MYO18B: variants seen among roughly 807,000 people sequenced by gnomAD.
MYO18B encodes the protein myosin XVIIIB.
Under a neutral mutation model 273.0 loss-of-function variants are expected in MYO18B, and 204 were observed. The observed-to-expected ratio is 0.75, with a 90% CI of 0.67 to 0.84. The LOEUF is 0.84. MYO18B is among the 40% of genes least tolerant of loss of function. The pLI is 0.00. For missense variants in MYO18B, 3,212 were observed against 3,287.6 expected (o/e 0.98, Z 0.56); for synonymous variants, 1,330 against 1,305.7 (o/e 1.02, Z -0.40).
intron 34 of MYO18B, among the ~76,000 whole-genome samples, chr22:25,925,152 TG>T (rs1267089934): frequency 1.3e-5 from 2 of 152,176 alleles, no homozygotes; most frequent in Non-Finnish European, 2.9e-5. Flanking sequence ...CTTAGTGTCT[TG>T]GGGTTTCTCA....
At chr22:26,007,961 A>C (rs1006890397) in intron 42 of MYO18B, among the ~76,000 whole-genome samples, 1 of 152,196 alleles carries the variant, frequency 6.6e-6, no homozygotes, top group Admixed American at 6.5e-5. Context: ...ATCTTTTTCT[A>C]TATGTATATA....
At chr22:25,916,142 G>T (rs2092257986) in intron 33 of MYO18B, among the ~76,000 whole-genome samples, 1 of 151,866 alleles carries the variant, frequency 6.6e-6, no homozygotes, top group Non-Finnish European at 1.5e-5. Flanking sequence ...AAATATTCAT[G>T]GTATTTTCTC....
chr22:25,788,442 G>A (rs2087493772), intron 11 of MYO18B, among the ~76,000 whole-genome samples: 1 of 152,148 alleles, frequency 6.6e-6, no homozygotes, highest in Admixed American at 6.6e-5. Flanking sequence ...GTATAAGCAT[G>A]TCCCAAATAT....
intron 33 of MYO18B, among the ~76,000 whole-genome samples, chr22:25,915,011 A>T (rs779268761): frequency 4.6e-5 from 7 of 151,642 alleles, no homozygotes; most frequent in Non-Finnish European, 1.0e-4. Flanking sequence ...TTGACTCTTG[A>T]CCATGGATTG....
At chr22:25,999,469 C>A (rs1871612924) in intron 40 of MYO18B, among the ~76,000 whole-genome samples, 3 of 152,028 alleles carry the variant, frequency 2.0e-5, no homozygotes, top group Admixed American at 1.3e-4. Context: ...CGCTCATCAT[C>A]AACACCCTGT....
intron 11 of MYO18B, 137 bp downstream of exon 11, chr22:25,785,628 G>A (rs912992306): frequency 1.3e-6 from 1 of 796,728 alleles, no homozygotes; most frequent in Non-Finnish European, 2.1e-6. Context: ...TGGAAGAGTT[G>A]GCACTGCCTT....
intron 29 of MYO18B, 145 bp downstream of exon 29, chr22:25,898,606 T>C: frequency 1.2e-6 from 1 of 803,418 alleles, no homozygotes; most frequent in Non-Finnish European, 1.9e-6. Flanking sequence ...CGTCACACCT[T>C]ATTCCTGTAT....
Position 25,883,121 on chromosome 22 carries a change from A to G in MYO18B, c.4314+5073A>G, listed in dbSNP as rs886719046. Among the ~76,000 whole-genome samples the G allele has an allele frequency of 2.0e-5, 3 of 152,082 alleles. No homozygotes were observed. Among genetic ancestry groups the G allele is most frequent in the East Asian group, 1.9e-4 (1 of 5,170 alleles). ...ACTTTGTTGCCCAGGTTGGTCTCCAATTCCTGGGCTCAAGCGATCCTCCTG... is the reference window on the plus strand; with the variant it reads ...ACTTTGTTGCCCAGGTTGGTCTCCAGTTCCTGGGCTCAAGCGATCCTCCTG... On this transcript the variant is annotated intron_variant, in intron 25 of 43. Coordinates refer to ENST00000335473, the MANE Select transcript of MYO18B (RefSeq NM_032608.7). This position sits in a 1 kb window ranked among gnomAD's most constrained non-coding sequence, Gnocchi z 7.6.
chr22:25,801,178 G>A (rs1235471713), intron 12 of MYO18B, among the ~76,000 whole-genome samples: 1 of 151,754 alleles, frequency 6.6e-6, no homozygotes, highest in East Asian at 1.9e-4. Flanking sequence ...TTCTCAGTGT[G>A]CCTGGCTTCC....
At chr22:25,781,703 C>A (rs2087166037) in intron 9 of MYO18B, 31 bp from the exon 10 acceptor site, 1 of 1,462,802 alleles carries the variant, frequency 6.8e-7, no homozygotes. Flanking sequence ...ACCCAAAGCA[C>A]TGACTGGGTG....
chr22:25,798,063 C>T lies in MYO18B; in HGVS notation c.2487C>T (p.Ala829=). ...EQRAVWRVLA[A]IYHLGAAGAC... is the part of the protein sequence containing the mutation. ...GGGCTGTTTGGCGGGTCCTGGCAGC[C>T]ATCTACCACCTGGGTGCGGCGGGGG... Residue 829 remains alanine, a synonymous_variant, in exon 12 of 44, where the codon GCC becomes GCT. Transcript: ENST00000335473. The T allele has an allele frequency of 6.2e-7, 1 of 1,611,256 alleles. No individual in the cohort carries two copies. The highest frequency in any genetic ancestry group is 1.3e-5 in the African/African-American group (1 of 75,008).
rs779526544 is a variant in MYO18B, at chr22:25,768,725, C to T, written c.809C>T (p.Ala270Val). 2 of 1,593,064 alleles carry T rather than the reference C, an allele frequency of 1.3e-6. No homozygotes were observed. Among genetic ancestry groups the T allele is most frequent in the African/African-American group, 2.7e-5 (2 of 74,562 alleles). The change falls in exon 4 of 44, where the codon GCC becomes GTC. Residue 270 changes from alanine (A) to valine (V), a missense_variant. Transcript: ENST00000335473. ...GACAGGCAGGGGACCAGGCCCCAAG[C>T]CCAAGGGCCCGGCGAGGGGGTGCGA... ...GKDRQGTRPQ[A>V]QGPGEGVRPG...
At chr22:25,760,803 G>A (rs969199090) in intron 1 of MYO18B, among the ~76,000 whole-genome samples, 181 bp from the exon 2 acceptor site, 1 of 152,194 alleles carries the variant, frequency 6.6e-6, no homozygotes, top group Non-Finnish European at 1.5e-5. Context: ...TGTTCACTCC[G>A]CGGCCTGCAG....
intron 27 of MYO18B, among the ~76,000 whole-genome samples, chr22:25,892,845 C>G (rs1182708471): frequency 6.6e-6 from 1 of 152,158 alleles, no homozygotes; most frequent in Non-Finnish European, 1.5e-5. Context: ...AGTCTCTGGC[C>G]TTGGAGGTAA....
intron 40 of MYO18B, among the ~76,000 whole-genome samples, chr22:26,002,851 G>A (rs1429265894): frequency 1.3e-5 from 2 of 152,144 alleles, no homozygotes; most frequent in Non-Finnish European, 2.9e-5. Context: ...ACAATGCCCT[G>A]GGAAGCTGCC....
the MYO18B span, among the ~76,000 whole-genome samples, chr22:26,057,022 GC>G: frequency 3.9e-5 from 6 of 152,082 alleles, no homozygotes; most frequent in African/African-American, 1.2e-4. Context: ...CGTGTACCAA[GC>G]CCTGTAGAGA....
the MYO18B span, among the ~76,000 whole-genome samples, chr22:26,060,639 A>G: frequency 6.6e-6 from 1 of 152,154 alleles, no homozygotes; most frequent in South Asian, 2.1e-4. Context: ...AAATATACAT[A>G]TACACACATC....
chr22:26,041,071 T>C, the MYO18B span, among the ~76,000 whole-genome samples: 1 of 152,210 alleles, frequency 6.6e-6, no homozygotes, highest in East Asian at 1.9e-4. Flanking sequence ...TCCGTGGGAC[T>C]CCTGTGACCC....
At chr22:25,835,511 C>A in intron 17 of MYO18B, 68 bp downstream of exon 17, 2 of 1,594,778 alleles carry the variant, frequency 1.3e-6, no homozygotes, top group Non-Finnish European at 1.7e-6. Context: ...TTCTTCTCTG[C>A]TGCAGGGAAA....
Sources: gnomAD v4.1 joint callset for allele counts (sites outside exome capture counted in the v4.1 genomes callset) on GRCh38, gnomAD v4.1.1 for gene constraint, Gnocchi (gnomAD v3.1) non-coding constraint, MANE v1.5 for transcripts, NCBI Gene and HGNC (gene_info 2026-07-23, HGNC 2026-07-21) for gene names.